EYS: variants seen among roughly 807,000 people sequenced by gnomAD.
The protein encoded by EYS is EGF-like photoreceptor maintenance factor, also known as protein eyes shut homolog.
In EYS, 250 loss-of-function variants were observed where a neutral mutation model predicts 282.1. That is an observed-to-expected ratio of 0.89 (90% confidence interval 0.80 to 0.98). The LOEUF (loss-of-function observed/expected upper bound fraction) is 0.98, where lower values mean the gene tolerates loss of function less well. EYS is among the 50% of genes least tolerant of loss of function. The pLI, the probability that EYS is intolerant of heterozygous loss-of-function variation, is 0.00. For missense variants in EYS, 4,016 were observed against 3,709.0 expected (o/e 1.08, Z -2.15); for synonymous variants, 1,355 against 1,282.9 (o/e 1.06, Z -1.20).
chr6:65,060,426 G>C (rs1773534835), intron 12 of EYS, among the ~76,000 whole-genome samples: 1 of 152,016 alleles, frequency 6.6e-6, no homozygotes, highest in South Asian at 2.1e-4. Flanking sequence ...CTAAAGTACA[G>C]TGCTTTAGCA....
chr6:65,017,329 G>T (rs1361080550), intron 13 of EYS, among the ~76,000 whole-genome samples: 1 of 152,172 alleles, frequency 6.6e-6, no homozygotes, highest in Non-Finnish European at 1.5e-5. Context: ...GCAAACATAT[G>T]AAGTCAGTTA....
At chr6:65,462,837 A>G (rs1486104899) in intron 5 of EYS, among the ~76,000 whole-genome samples, 1 of 152,082 alleles carries the variant, frequency 6.6e-6, no homozygotes, top group Non-Finnish European at 1.5e-5. Context: ...AATGTGTCAA[A>G]TTTTTAACAT....
At position 64,925,563 on chromosome 6, in the gene EYS, G is replaced by C. The variant is rs73767184; in HGVS notation, c.2382-12820C>G. On this transcript the variant is annotated intron_variant, in intron 15 of 42. Transcript: ENST00000503581. ...ATGAGGCTACCTTCCCAAATGCTGT[G>C]TACTTGTGTCAGCAGATACTGAAAT... 5.7e-3 allele frequency among the ~76,000 whole-genome samples: 862 copies of C among 152,252 alleles called. 13 individuals carry two copies. Among genetic ancestry groups the C allele is most frequent in the African/African-American group, 0.02 (832 of 41,534 alleles).
At chr6:65,212,521 C>T (rs1415134274) in intron 12 of EYS, among the ~76,000 whole-genome samples, 1 of 152,034 alleles carries the variant, frequency 6.6e-6, no homozygotes. Flanking sequence ...ACTATTTAAA[C>T]ATAAATTTTA....
At chr6:64,489,346 TCAGA>T (rs1270550453) in intron 26 of EYS, among the ~76,000 whole-genome samples, 3 of 150,640 alleles carry the variant, frequency 2.0e-5, no homozygotes, top group Non-Finnish European at 4.5e-5. Context: ...TCTCTAGTGG[TCAGA>T]CAATTGAGCT....
chr6:63,958,579 AAC>A (rs976867512), intron 35 of EYS, among the ~76,000 whole-genome samples: 2 of 152,228 alleles, frequency 1.3e-5, no homozygotes, highest in African/African-American at 4.8e-5. Flanking sequence ...TACACTAAAC[AAC>A]AGAGTTTCAA....
intron 11 of EYS, among the ~76,000 whole-genome samples, chr6:65,318,966 T>C (rs1447807663): frequency 6.6e-6 from 1 of 151,710 alleles, no homozygotes; most frequent in South Asian, 2.1e-4. Context: ...TTGTGAATTC[T>C]ATTTTTTTCT....
chr6:64,547,122 G>T (rs1764899894), intron 26 of EYS, among the ~76,000 whole-genome samples: 1 of 152,148 alleles, frequency 6.6e-6, no homozygotes, highest in Non-Finnish European at 1.5e-5. Context: ...GACCTTTGCG[G>T]TGAGTGTTAC....
At chr6:63,852,156 C>CAAAAAA (rs67772165) in intron 36 of EYS, among the ~76,000 whole-genome samples, 3 of 54,986 alleles carry the variant, frequency 5.5e-5, no homozygotes, top group Admixed American at 3.2e-4. Flanking sequence ...GACTCTGTCT[C>CAAAAAA]AAAAAAAAAA....
intron 13 of EYS, among the ~76,000 whole-genome samples, chr6:65,038,943 T>C (rs955803387): frequency 1.3e-5 from 2 of 151,554 alleles, no homozygotes; most frequent in Non-Finnish European, 3.0e-5. Context: ...CTTTATGTCC[T>C]GGGTATGTGT....
intron 29 of EYS, among the ~76,000 whole-genome samples, chr6:64,309,996 A>G (rs1010073584): frequency 6.6e-6 from 1 of 151,874 alleles, no homozygotes. Context: ...TCACTAATTA[A>G]ATGCAAATCA....
At chr6:64,289,195 T>TA (rs990696221) in intron 30 of EYS, among the ~76,000 whole-genome samples, 9 of 152,106 alleles carry the variant, frequency 5.9e-5, no homozygotes, top group Admixed American at 3.3e-4. Context: ...ATGGCAATAT[T>TA]AAAAAATCTC....
chr6:65,692,843 T>C (rs370242759), intron 1 of EYS, among the ~76,000 whole-genome samples: 1 of 150,178 alleles, frequency 6.7e-6, no homozygotes, highest in African/African-American at 2.4e-5. Context: ...TTGAAAGATA[T>C]ACTCTAGGCT....
rs59957107 is a variant in EYS at position 63,826,845 on chromosome 6, CAAAAAA to C, written c.7229-20479_7229-20474del. ...TAAAACAAAAATACAAGTTAAAAAGCAAAAAAAAAAAAAAAAAAAGGACAAAAACAA... is the reference window on the plus strand; with the variant it reads ...TAAAACAAAAATACAAGTTAAAAAGCAAAAAAAAAAAAAGGACAAAAACAA... On this transcript the variant is annotated intron_variant, in intron 36 of 42. Coordinates refer to ENST00000503581, the MANE Select transcript of EYS (RefSeq NM_001142800.2). 2.5e-4 allele frequency among the ~76,000 whole-genome samples: 19 copies of C among 76,744 alleles called. No homozygotes were observed. The South Asian group carries it at 7.7e-3, about 31-fold the overall frequency. The allele number at this position is 76,744 out of a possible 152,430, so 50.3% of individuals were successfully genotyped here. A position where few individuals can be genotyped will look rare whatever the true frequency, so the allele number is the denominator to read the frequency against.
chr6:64,561,591 T>A (rs1686810661), intron 26 of EYS, among the ~76,000 whole-genome samples: 1 of 151,850 alleles, frequency 6.6e-6, no homozygotes, highest in Non-Finnish European at 1.5e-5. Flanking sequence ...ACAAAAGGAA[T>A]AAAATACCTG....
chr6:64,802,871 GC>G (rs1764296809), intron 22 of EYS, among the ~76,000 whole-genome samples: 1 of 152,168 alleles, frequency 6.6e-6, no homozygotes, highest in Non-Finnish European at 1.5e-5. Flanking sequence ...AGACTGATTT[GC>G]CACAATTATT....
At chr6:64,480,958 A>G (rs188978295) in intron 26 of EYS, among the ~76,000 whole-genome samples, 54 of 151,818 alleles carry the variant, frequency 3.6e-4, no homozygotes, top group African/African-American at 1.0e-3. Flanking sequence ...ATTGATTCAA[A>G]TTAAAGTCAG....
At chr6:65,272,183 G>A (rs992449686) in intron 12 of EYS, among the ~76,000 whole-genome samples, 1 of 152,258 alleles carries the variant, frequency 6.6e-6, no homozygotes, top group Admixed American at 6.5e-5. Context: ...CAGTCACTGA[G>A]ATCTTTGCTT....
At chr6:64,936,714 A>G (rs1768918043) in intron 15 of EYS, among the ~76,000 whole-genome samples, 1 of 151,476 alleles carries the variant, frequency 6.6e-6, no homozygotes, top group Non-Finnish European at 1.5e-5. Context: ...ATAGATTCTA[A>G]GAAGTACAAG....
Sources: allele counts gnomAD v4.1 joint callset (sites outside exome capture counted in the v4.1 genomes callset), GRCh38; gene constraint gnomAD v4.1.1; transcripts MANE v1.5; gene names NCBI Gene and HGNC (gene_info 2026-07-23, HGNC 2026-07-21).